The following SPPL3 variants were observed in gnomAD, a reference collection of about 807,000 sequenced individuals.
SPPL3 encodes signal peptide peptidase-like 3.
In SPPL3, 5 loss-of-function variants were observed where a neutral mutation model predicts 42.4. The ratio of observed to expected loss-of-function variants is 0.12; its 90% CI spans 0.06 to 0.25. The LOEUF (loss-of-function observed/expected upper bound fraction) is 0.25, where lower values mean the gene tolerates loss of function less well. SPPL3 is among the 10% of genes least tolerant of loss of function. The pLI, the probability that SPPL3 is intolerant of heterozygous loss-of-function variation, is 1.00. For missense variants in SPPL3, 235 were observed against 489.0 expected, an observed-to-expected ratio of 0.48 and a Z score of 4.90; for synonymous variants, 195 against 181.8, an observed-to-expected ratio of 1.07 and a Z score of -0.58.
intron 1 of SPPL3, among the ~76,000 whole-genome samples, chr12:120,861,307 G>A (rs544528497): frequency 4.6e-5 from 7 of 152,248 alleles, no homozygotes; most frequent in African/African-American, 1.7e-4. Flanking sequence ...GGTCAGATTT[G>A]GCTTGCAGGC....
intron 1 of SPPL3, among the ~76,000 whole-genome samples, chr12:120,826,751 A>G (rs931421798): frequency 1.3e-5 from 2 of 152,088 alleles, no homozygotes; most frequent in Non-Finnish European, 1.5e-5. Flanking sequence ...ATTCACATTA[A>G]ATAATGTCTT....
At chr12:120,844,559 C>T (rs890567796) in intron 1 of SPPL3, among the ~76,000 whole-genome samples, 7 of 152,196 alleles carry the variant, frequency 4.6e-5, no homozygotes, top group African/African-American at 1.7e-4. Context: ...GCTGAGTGCC[C>T]TTTGATTTCT....
intron 1 of SPPL3, among the ~76,000 whole-genome samples, chr12:120,871,172 G>GTGA (rs991527661): frequency 7.1e-6 from 1 of 140,486 alleles, no homozygotes; most frequent in Non-Finnish European, 1.6e-5. Flanking sequence ...GAGGTAAACA[G>GTGA]TGATGATGAC....
chr12:120,790,212 A>G (rs1869867428), intron 3 of SPPL3, among the ~76,000 whole-genome samples: 1 of 152,254 alleles, frequency 6.6e-6, no homozygotes, highest in African/African-American at 2.4e-5. Context: ...ACAAGGATCC[A>G]TGTCATAAAT....
intron 6 of SPPL3, among the ~76,000 whole-genome samples, chr12:120,777,463 CA>C (rs1252982140): frequency 6.6e-6 from 1 of 152,172 alleles, no homozygotes; most frequent in East Asian, 1.9e-4. Flanking sequence ...TTTAAGTTAA[CA>C]AATTATTGTT....
intron 1 of SPPL3, among the ~76,000 whole-genome samples, chr12:120,825,527 G>A (rs1163487062): frequency 2.0e-5 from 3 of 152,198 alleles, no homozygotes; most frequent in East Asian, 3.9e-4. Flanking sequence ...CAGGGCACAT[G>A]TACACAGGAA....
chr12:120,800,070 C>T (rs968452444), intron 2 of SPPL3, among the ~76,000 whole-genome samples: 3 of 152,256 alleles, frequency 2.0e-5, no homozygotes, highest in Non-Finnish European at 4.4e-5. Flanking sequence ...CAGAAGACTA[C>T]TCTTCATTCT....
rs150423340 is a variant in SPPL3 at position 120,828,621 on chromosome 12, C to T, written c.24-17735G>A. On this transcript the variant is annotated intron_variant, in intron 1 of 10. Coordinates refer to ENST00000353487, the MANE Select transcript of SPPL3 (RefSeq NM_139015.5). ...GAGGATTCACATTAACTGATTTAAA[C>T]ACTTACTATAAAACTACAGTATTTA... Among the ~76,000 whole-genome samples, 1,259 of 152,278 alleles carry T rather than the reference C, an allele frequency of 8.3e-3. 28 individuals are homozygous for T. The highest frequency in any genetic ancestry group is 8.3e-3 in the Non-Finnish European group (562 of 68,020).
At chr12:120,823,314 T>C (rs2137010887) in intron 1 of SPPL3, among the ~76,000 whole-genome samples, 1 of 152,082 alleles carries the variant, frequency 6.6e-6, no homozygotes, top group East Asian at 1.9e-4. Flanking sequence ...TCTGGCTGTA[T>C]TTGCCGTCTT....
intron 1 of SPPL3, among the ~76,000 whole-genome samples, chr12:120,871,706 T>C (rs1286242259): frequency 1.3e-5 from 2 of 152,040 alleles, no homozygotes; most frequent in Non-Finnish European, 2.9e-5. Flanking sequence ...CGAGCCGAGA[T>C]TGTGCCACTG....
At chr12:120,765,289 A>ATT (rs11290474) in intron 10 of SPPL3, among the ~76,000 whole-genome samples, 1 of 145,700 alleles carries the variant, frequency 6.9e-6, no homozygotes, top group Non-Finnish European at 1.5e-5. Flanking sequence ...CCTTTCTGAT[A>ATT]TTTTTTTTTT....
intron 1 of SPPL3, chr12:120,845,273 G>C (rs905337993): frequency 1.5e-4 from 57 of 370,680 alleles, no homozygotes; most frequent in African/African-American, 1.2e-3. Context: ...GAGAGGTCCT[G>C]CTTGTTGGCA....
chr12:120,897,836 C>A (rs1873856409), intron 1 of SPPL3, among the ~76,000 whole-genome samples: 1 of 152,140 alleles, frequency 6.6e-6, no homozygotes, highest in African/African-American at 2.4e-5. Context: ...TATGATCATA[C>A]CAGATACAAC....
intron 1 of SPPL3, among the ~76,000 whole-genome samples, chr12:120,877,231 A>C (rs1262019038): frequency 6.6e-6 from 1 of 152,230 alleles, no homozygotes; most frequent in Non-Finnish European, 1.5e-5. Context: ...ATTGTAGCTT[A>C]AAATCCTCCC....
At position 120,781,555 on chromosome 12, in the gene SPPL3, G is replaced by GTGTTTTTTTTTTTT. The variant is rs1869541007; in HGVS notation, c.502+1099_502+1100insAAAAAAAAAAAACA. 2.9e-4 allele frequency among the ~76,000 whole-genome samples: 18 copies of GTGTTTTTTTTTTTT among 63,010 alleles called. 4 individuals are homozygous for GTGTTTTTTTTTTTT. The highest frequency in any genetic ancestry group is 1.0e-3 in the East Asian group (2 of 1,974). 41.3% of individuals were successfully genotyped at this position (63,010 alleles called of 152,430 possible). A position where few individuals can be genotyped will look rare whatever the true frequency, so the allele number is the denominator to read the frequency against. ...TCTAATCCCATCTCCTTATTGTTACGTTTTTTTTTTTTTTTTTTTTTTTTT... is the reference window on the plus strand; with the variant it reads ...TCTAATCCCATCTCCTTATTGTTACGTGTTTTTTTTTTTTTTTTTTTTTTTTTTTTTTTTTTTTT... On this transcript the variant is annotated intron_variant, in intron 6 of 10. Coordinates refer to ENST00000353487, the MANE Select transcript of SPPL3 (RefSeq NM_139015.5).
chr12:120,826,196 GGAA>G (rs1871225782), intron 1 of SPPL3, among the ~76,000 whole-genome samples: 1 of 151,180 alleles, frequency 6.6e-6, no homozygotes, highest in Admixed American at 6.6e-5. Context: ...AGGAGGCTGA[GGAA>G]GGAGAATCGC....
At chr12:120,790,502 C>A (rs1869878387) in intron 3 of SPPL3, among the ~76,000 whole-genome samples, 1 of 152,136 alleles carries the variant, frequency 6.6e-6, no homozygotes, top group African/African-American at 2.4e-5. Context: ...GCGACCTTAC[C>A]CTGTTCTATA....
At chr12:120,884,385 C>T (rs1222204527) in intron 1 of SPPL3, among the ~76,000 whole-genome samples, 1 of 151,880 alleles carries the variant, frequency 6.6e-6, no homozygotes, top group Non-Finnish European at 1.5e-5. Flanking sequence ...TAAACCTGTT[C>T]CTGCTTTTGT....
At chr12:120,812,538 A>G (rs1344758647) in intron 1 of SPPL3, among the ~76,000 whole-genome samples, 1 of 152,218 alleles carries the variant, frequency 6.6e-6, no homozygotes, top group Non-Finnish European at 1.5e-5. Context: ...ATCACCTTCC[A>G]CATGGTAACT....
Sources: gnomAD v4.1 joint callset for allele counts (sites outside exome capture counted in the v4.1 genomes callset) on GRCh38, gnomAD v4.1.1 for gene constraint, MANE v1.5 for transcripts, NCBI Gene and HGNC (gene_info 2026-07-23, HGNC 2026-07-21) for gene names.